Variants in CRACDL observed in about 807,000 individuals in gnomAD.
The protein encoded by CRACDL is CRACD-like protein.
Under a neutral mutation model 70.6 loss-of-function variants are expected in CRACDL, and 26 were observed. That is an observed-to-expected ratio of 0.37 (90% CI 0.27 to 0.51). The LOEUF (loss-of-function observed/expected upper bound fraction) is 0.51. CRACDL is among the 20% of genes least tolerant of loss of function. CRACDL has a pLI of 0.94. For missense variants in CRACDL, 1,283 were observed against 1,376.9 expected, an observed-to-expected ratio of 0.93 and a Z score of 1.08; for synonymous variants, 618 against 615.2, an observed-to-expected ratio of 1.00 and a Z score of -0.07.
At chr2:98,932,201 C>T (rs971987024) in intron 1 of CRACDL, among the ~76,000 whole-genome samples, 17 of 152,138 alleles carry the variant, frequency 1.1e-4, no homozygotes, top group Non-Finnish European at 1.8e-4. Context: ...AAGAGATCGG[C>T]GGGACACCAG....
chr2:98,839,444 C>T (rs1199119142), intron 2 of CRACDL, among the ~76,000 whole-genome samples: 1 of 152,222 alleles, frequency 6.6e-6, no homozygotes, highest in Non-Finnish European at 1.5e-5. Flanking sequence ...GAGTTTTCTG[C>T]ATTTGGTCAG....
At position 98,794,424 on chromosome 2, in the gene CRACDL, A is replaced by G; in HGVS notation, c.*108T>C. 9.5e-7 allele frequency: 1 copy of G among 1,052,398 alleles called. No individual in the cohort carries two copies. The highest frequency in any genetic ancestry group is 1.4e-6 in the Non-Finnish European group (1 of 708,244). The allele number at this position is 1,052,398 out of a possible 1,614,324, so 65.2% of individuals were successfully genotyped here. ...TCCCCAAGTTCGTCATAACTTGATG[A>G]TAAAATCAATCTTTAAGTTTCACAG... On this transcript the variant is annotated 3_prime_UTR_variant, in exon 10 of 10. Coordinates refer to ENST00000397899, the MANE Select transcript of CRACDL (RefSeq NM_207362.3).
chr2:98,841,258 T>C lies in CRACDL; in HGVS notation c.71-2971A>G, dbSNP rs144304786. Among the ~76,000 whole-genome samples the C allele has an allele frequency of 9.3e-3, 1,419 of 152,274 alleles. 12 individuals carry two copies. Among genetic ancestry groups the C allele is most frequent in the Middle Eastern group, 0.027 (8 of 294 alleles). On this transcript the variant is annotated intron_variant, in intron 2 of 9. Transcript: ENST00000397899. ...TAACTCTTAACTGGAACAATTAATG[T>C]AATTAATTAATTTAACTAGTCCACT... is the stretch of plus-strand genomic sequence containing the variant.
chr2:98,866,243 T>C (rs189645805), intron 1 of CRACDL, among the ~76,000 whole-genome samples: 6 of 152,270 alleles, frequency 3.9e-5, no homozygotes, highest in Non-Finnish European at 7.4e-5. Context: ...CTGTAGTTAC[T>C]GTTTGTCTGA....
chr2:98,845,256 G>A (rs1227190143), intron 2 of CRACDL, among the ~76,000 whole-genome samples: 3 of 150,238 alleles, frequency 2.0e-5, no homozygotes, highest in African/African-American at 7.4e-5. Flanking sequence ...GAGTGCAGTG[G>A]CATAATCATG....
chr2:98,822,983 C>T lies in CRACDL; in HGVS notation c.1290G>A (p.Gly430=). ...ATSEAPSARD[G]PERSVPKEAE... is the part of the protein sequence containing the mutation. ...CTTCCTTCGGGACACTGCGTTCTGG[C>T]CCGTCGCGAGCAGAGGGCGCCTCTG... is the stretch of plus-strand genomic sequence containing the variant. Residue 430 remains glycine, a synonymous_variant, in exon 7 of 10, where the codon GGG becomes GGA. Transcript: ENST00000397899. This position sits in a 1 kb window ranked among gnomAD's most constrained non-coding sequence, Gnocchi z 4.9. 6.7e-7 allele frequency: 1 copy of T among 1,490,260 alleles called. No individual in the cohort carries two copies. Among genetic ancestry groups the T allele is most frequent in the South Asian group, 1.3e-5 (1 of 77,932 alleles). 92.3% of individuals were successfully genotyped at this position (1,490,260 alleles called of 1,614,324 possible). A position where few individuals can be genotyped will look rare whatever the true frequency, so the allele number is the denominator to read the frequency against.
intron 1 of CRACDL, among the ~76,000 whole-genome samples, chr2:98,920,415 G>C (rs574139655): frequency 1.2e-4 from 19 of 152,162 alleles, no homozygotes; most frequent in African/African-American, 4.6e-4. Context: ...TTCACAAATG[G>C]GGCACAGCTG....
Position 98,806,747 on chromosome 2 carries a change from T to C in CRACDL, c.2417-9210A>G, listed in dbSNP as rs540668877. 8.3e-4 allele frequency among the ~76,000 whole-genome samples: 126 copies of C among 152,272 alleles called. 1 individual carries two copies. Among genetic ancestry groups the C allele is most frequent in the African/African-American group, 2.9e-3 (121 of 41,552 alleles). On this transcript the variant is annotated intron_variant, in intron 7 of 9. Transcript: ENST00000397899. ...AAAATAACTTTGAGCTAGAGCACGA[T>C]TGAGAAAAAGGTGAAAAATTATTCT...
intron 9 of CRACDL, 137 bp downstream of exon 9, chr2:98,795,983 G>T (rs540606955): frequency 2.6e-6 from 2 of 776,774 alleles, no homozygotes; most frequent in East Asian, 4.9e-5. Context: ...CACGTAAATT[G>T]TATCTCCGTA....
Position 98,796,186 on chromosome 2 carries a change from G to T in CRACDL, c.2683C>A (p.Gln895Lys), listed in dbSNP as rs1225582534. The change falls in exon 9 of 10, where the codon CAG (glutamine) becomes AAG (lysine). Residue 895 changes from glutamine to lysine, a missense_variant. This residue lies in a region of CRACDL where 921 missense variants were observed against 881.9 expected (regional missense o/e 1.04). Transcript: ENST00000397899. ...TPVKPAVDRK[Q>K]GAKLNFKEGL... ...TCCTTGAAGTTGAGCTTTGCCCCCT[G>T]CTTCCGGTCCACAGCGGGCTTCACA... is the stretch of plus-strand genomic sequence containing the variant. 1.9e-6 allele frequency: 3 copies of T among 1,614,132 alleles called. No individual in the cohort carries two copies. Among genetic ancestry groups the T allele is most frequent in the Non-Finnish European group, 1.7e-6 (2 of 1,179,942 alleles).
At chr2:98,862,155 AG>A (rs1399921675) in intron 1 of CRACDL, among the ~76,000 whole-genome samples, 1 of 152,230 alleles carries the variant, frequency 6.6e-6, no homozygotes, top group Non-Finnish European at 1.5e-5. Flanking sequence ...GAGATTAGAA[AG>A]TCACCATGCA....
chr2:98,869,213 C>T (rs72813007), intron 1 of CRACDL: 26,312 of 1,302,488 alleles, frequency 0.02, 305 homozygotes, highest in Middle Eastern at 0.03. Flanking sequence ...TGGCCTAGGG[C>T]CCACGGGTCA....
chr2:98,843,894 A>T (rs555939339), intron 2 of CRACDL, among the ~76,000 whole-genome samples: 20 of 152,150 alleles, frequency 1.3e-4, no homozygotes, highest in Non-Finnish European at 2.8e-4. Context: ...ATCTGCAAAA[A>T]GTTTTGCTGG....
Position 98,907,881 on chromosome 2 carries a change from T to C in CRACDL, c.-11+28057A>G, listed in dbSNP as rs375366645. ...GCATAGAAGAAACTGCCAGGTGAAC[T>C]ACATACACTAAGACCAGATGAAAAA... is the stretch of plus-strand genomic sequence containing the variant. On this transcript the variant is annotated intron_variant, in intron 1 of 9. Coordinates refer to ENST00000397899, the MANE Select transcript of CRACDL (RefSeq NM_207362.3). Among the ~76,000 whole-genome samples the C allele has an allele frequency of 3.3e-5, 5 of 152,334 alleles. No individual in the cohort carries two copies. In the East Asian group the frequency reaches 7.7e-4, roughly 23 times the overall value.
At position 98,823,236 on chromosome 2, in the gene CRACDL, G is replaced by T; in HGVS notation, c.1037C>A (p.Ser346Ter). Reference sequence around the variant, plus strand: ...GGGCTCCACGCGGAGAGTGGGGGCCGACTCGGGCTCGGCGAGCTCCGGGGT... The same window carrying T: ...GGGCTCCACGCGGAGAGTGGGGGCCTACTCGGGCTCGGCGAGCTCCGGGGT... ...PATPELAEPE[S>*]APTLRVEPPS... The change falls in exon 7 of 10, where the codon TCG becomes TAG. Residue 346 changes from serine (S) to a stop codon, truncating the protein, a stop_gained. Coordinates refer to ENST00000397899, the MANE Select transcript of CRACDL (RefSeq NM_207362.3). LOFTEE classifies it high-confidence loss of function. The surrounding 1 kb of genome is among the most constrained non-coding windows in gnomAD (Gnocchi z 4.0). 7.1e-7 allele frequency: 1 copy of T among 1,405,502 alleles called. No homozygotes were observed. The highest frequency in any genetic ancestry group is 9.2e-7 in the Non-Finnish European group (1 of 1,086,244). 87.1% of individuals were successfully genotyped at this position (1,405,502 alleles called of 1,614,324 possible). A position where few individuals can be genotyped will look rare whatever the true frequency, so the allele number is the denominator to read the frequency against.
intron 1 of CRACDL, among the ~76,000 whole-genome samples, chr2:98,866,536 G>A (rs1008224373): frequency 1.5e-5 from 2 of 134,354 alleles, no homozygotes; most frequent in African/African-American, 5.6e-5. Flanking sequence ...TGCCCAGGCT[G>A]GAGTACAATG....
At chr2:98,916,251 G>A (rs1405294340) in intron 1 of CRACDL, among the ~76,000 whole-genome samples, 8 of 152,190 alleles carry the variant, frequency 5.3e-5, no homozygotes, top group South Asian at 2.1e-4. Context: ...GCCAAAAAGC[G>A]CACGATTCCA....
chr2:98,856,927 A>G (rs1213304022), intron 1 of CRACDL, among the ~76,000 whole-genome samples: 1 of 152,180 alleles, frequency 6.6e-6, no homozygotes, highest in African/African-American at 2.4e-5. Flanking sequence ...ATTAGGAGTC[A>G]TGATACCCTG....
At chr2:98,844,470 G>T (rs1201237346) in intron 2 of CRACDL, among the ~76,000 whole-genome samples, 1 of 152,134 alleles carries the variant, frequency 6.6e-6, no homozygotes, top group Non-Finnish European at 1.5e-5. Context: ...TGTGGCCATA[G>T]TTCCCCTTTT....
Sources: gnomAD v4.1 joint callset for allele counts (sites outside exome capture counted in the v4.1 genomes callset) on GRCh38, gnomAD v4.1.1 for gene constraint, gnomAD v4.1.1 regional missense constraint, Gnocchi (gnomAD v3.1) non-coding constraint, MANE v1.5 for transcripts, NCBI Gene and HGNC (gene_info 2026-07-23, HGNC 2026-07-21) for gene names.